Variants in PPP3CC observed in about 807,000 individuals in gnomAD.
PPP3CC encodes the protein protein phosphatase 3 catalytic subunit gamma, also known as serine/threonine-protein phosphatase 2B catalytic subunit gamma isoform.
Under a neutral mutation model 60.3 loss-of-function variants are expected in PPP3CC, and 35 were observed. The observed-to-expected ratio is 0.58, with a 90% CI of 0.44 to 0.77. The LOEUF (loss-of-function observed/expected upper bound fraction) is 0.77, where lower values mean the gene tolerates loss of function less well. Ranked by LOEUF, PPP3CC falls within the 30% of genes least tolerant of loss-of-function variation. PPP3CC has a pLI of 0.00. For missense variants in PPP3CC, 570 were observed against 628.9 expected (o/e 0.91, Z 1.00); for synonymous variants, 206 against 224.3 (o/e 0.92, Z 0.73).
intron 1 of PPP3CC, among the ~76,000 whole-genome samples, chr8:22,461,983 C>G (rs1268112836): frequency 2.0e-5 from 3 of 152,090 alleles, no homozygotes; most frequent in African/African-American, 7.2e-5. Context: ...ACCTTTAATC[C>G]CAGTGCATTG....
rs372811253 is a variant in PPP3CC at position 22,513,142 on chromosome 8, C to G, written c.631-151C>G. On this transcript the variant is annotated intron_variant, in intron 5 of 13. Coordinates refer to ENST00000240139, the MANE Select transcript of PPP3CC (RefSeq NM_005605.5). ...ATGTATCTAAAATTGTTAAGTGTTC[C>G]TTTTCTTGCAGGAAAGTCCTTTAGG... The G allele has an allele frequency of 2.5e-5, 14 of 559,098 alleles. No homozygotes were observed. In the East Asian group the frequency reaches 4.5e-4, roughly 18 times the overall value. The allele number at this position is 559,098 out of a possible 1,614,324, so 34.6% of individuals were successfully genotyped here. A position where few individuals can be genotyped will look rare whatever the true frequency, so the allele number is the denominator to read the frequency against.
intron 1 of PPP3CC, among the ~76,000 whole-genome samples, chr8:22,458,039 C>T (rs893098992): frequency 6.6e-6 from 1 of 151,610 alleles, no homozygotes; most frequent in Non-Finnish European, 1.5e-5. Context: ...TGCAGTGAGC[C>T]GAGATCGTGC....
At chr8:22,465,313 A>G (rs1837486636) in intron 1 of PPP3CC, among the ~76,000 whole-genome samples, 1 of 152,136 alleles carries the variant, frequency 6.6e-6, no homozygotes, top group Admixed American at 6.6e-5. Context: ...TGCTTTAAAT[A>G]TGATCCCCAG....
At chr8:22,445,085 T>TA (rs1836783419) in intron 1 of PPP3CC, among the ~76,000 whole-genome samples, 1 of 152,220 alleles carries the variant, frequency 6.6e-6, no homozygotes, top group Admixed American at 6.5e-5. Context: ...AAGGTGCTGA[T>TA]ACATTTCTCC....
intron 1 of PPP3CC, among the ~76,000 whole-genome samples, chr8:22,471,550 G>A (rs1837722147): frequency 6.6e-6 from 1 of 152,224 alleles, no homozygotes. Context: ...GCAGGTTACT[G>A]TACTGGATAC....
intron 1 of PPP3CC, among the ~76,000 whole-genome samples, chr8:22,466,598 T>C (rs1483275583): frequency 6.6e-6 from 1 of 152,274 alleles, no homozygotes; most frequent in Non-Finnish European, 1.5e-5. Flanking sequence ...TTTTTGCATA[T>C]GTCTGTTGGC....
rs1209391227 is a variant in PPP3CC at position 22,532,210 on chromosome 8, T to C, written c.1142-15T>C. On this transcript the variant is annotated splice_polypyrimidine_tract_variant and intron_variant, in intron 10 of 13. Transcript: ENST00000240139. ...ACACATCCCTTTAACTTACTTATTC[T>C]TTGTATTCTCTAAGGAAGCACTACA... is the stretch of plus-strand genomic sequence containing the variant. 2.5e-6 allele frequency: 4 copies of C among 1,592,216 alleles called. No individual in the cohort carries two copies. Among genetic ancestry groups the C allele is most frequent in the Non-Finnish European group, 3.4e-6 (4 of 1,161,818 alleles).
At chr8:22,473,468 C>CT (rs34686423) in intron 1 of PPP3CC, among the ~76,000 whole-genome samples, 79,222 of 146,782 alleles carry the variant, frequency 0.54, 21,834 homozygotes, top group East Asian at 0.69. Context: ...CCCTTATCCA[C>CT]TTTTTTTTTT....
At chr8:22,497,963 G>A (rs779026471) in intron 3 of PPP3CC, 38 bp from the exon 4 acceptor site, 15 of 1,410,912 alleles carry the variant, frequency 1.1e-5, no homozygotes, top group African/African-American at 8.6e-5. Context: ...CATTATAATG[G>A]TCACAAAGAA....
chr8:22,441,736 A>T (rs529601516), intron 1 of PPP3CC, among the ~76,000 whole-genome samples: 1 of 152,032 alleles, frequency 6.6e-6, no homozygotes, highest in Non-Finnish European at 1.5e-5. Flanking sequence ...AAGGGCCCGG[A>T]TCCCTGTCTT....
chr8:22,465,450 A>G (rs1316565380), intron 1 of PPP3CC, among the ~76,000 whole-genome samples: 1 of 152,224 alleles, frequency 6.6e-6, no homozygotes, highest in Non-Finnish European at 1.5e-5. Context: ...TAAAATAAGT[A>G]TGTATTAGAA....
intron 12 of PPP3CC, among the ~76,000 whole-genome samples, chr8:22,538,604 G>A (rs908446230): frequency 6.6e-6 from 1 of 152,174 alleles, no homozygotes; most frequent in Non-Finnish European, 1.5e-5. Flanking sequence ...AACTGACAGG[G>A]TTCTCCTAAT....
At chr8:22,522,802 T>G in intron 8 of PPP3CC, 53 bp downstream of exon 8, 1 of 1,275,338 alleles carries the variant, frequency 7.8e-7, no homozygotes, top group Non-Finnish European at 1.1e-6. Context: ...ACGTGAGCTC[T>G]GGTTTAATTG....
At chr8:22,534,505 G>A (rs537187063) in intron 12 of PPP3CC, among the ~76,000 whole-genome samples, 7 of 152,188 alleles carry the variant, frequency 4.6e-5, no homozygotes, top group Admixed American at 3.9e-4. Flanking sequence ...TAAAGGGCTT[G>A]TAAATTGATT....
At chr8:22,463,624 G>A (rs368306916) in intron 1 of PPP3CC, among the ~76,000 whole-genome samples, 49 of 152,262 alleles carry the variant, frequency 3.2e-4, no homozygotes, top group African/African-American at 1.2e-3. Context: ...CTAGAAGTAA[G>A]AATATCTCAC....
At chr8:22,487,240 C>T (rs554865669) in intron 3 of PPP3CC, among the ~76,000 whole-genome samples, 4 of 152,262 alleles carry the variant, frequency 2.6e-5, no homozygotes, top group Middle Eastern at 3.4e-3. Context: ...AAGAGTAGAA[C>T]ATTTTTAAGA....
rs187942594 is a variant in PPP3CC, at chr8:22,532,439, A to G, written c.1223+133A>G. 1,093 of 712,088 alleles carry G rather than the reference A, an allele frequency of 1.5e-3. 1 individual carries two copies. Among genetic ancestry groups the G allele is most frequent in the Non-Finnish European group, 2.4e-3 (995 of 423,062 alleles). 44.1% of individuals were successfully genotyped at this position (712,088 alleles called of 1,614,324 possible). ...GGTCTTTAGGTTGAGTGCAAATTCA[A>G]TGAACATGTTTAAGCGACTAAAAAT... On this transcript the variant is annotated intron_variant, in intron 11 of 13. Transcript: ENST00000240139.
intron 4 of PPP3CC, among the ~76,000 whole-genome samples, chr8:22,498,868 C>G (rs2443499): frequency 3.3e-5 from 5 of 151,524 alleles, no homozygotes; most frequent in Non-Finnish European, 7.4e-5. Flanking sequence ...CTCACGCCTG[C>G]AATCCCAGCA....
At chr8:22,500,004 C>G (rs190321269) in intron 4 of PPP3CC, among the ~76,000 whole-genome samples, 85 of 152,296 alleles carry the variant, frequency 5.6e-4, no homozygotes, top group Non-Finnish European at 9.4e-4. Context: ...ATTAGTTGCT[C>G]ATAGAAGTTG....
Sources: gnomAD v4.1 joint callset for allele counts (sites outside exome capture counted in the v4.1 genomes callset) on GRCh38, gnomAD v4.1.1 for gene constraint, MANE v1.5 for transcripts, NCBI Gene and HGNC (gene_info 2026-07-23, HGNC 2026-07-21) for gene names.